The following ARHGAP26 variants were observed in gnomAD, a reference collection of about 807,000 sequenced individuals.
The protein encoded by ARHGAP26 is Rho GTPase activating protein 26, also known as rho GTPase-activating protein 26.
Under a neutral mutation model 104.8 loss-of-function variants are expected in ARHGAP26, and 38 were observed. The observed-to-expected ratio is 0.36, with a 90% confidence interval of 0.28 to 0.48. ARHGAP26 has a LOEUF of 0.48. ARHGAP26 is among the 20% of genes least tolerant of loss of function. The pLI, the probability that ARHGAP26 is intolerant of heterozygous loss-of-function variation, is 0.99. For missense variants in ARHGAP26, 704 were observed against 947.9 expected (o/e 0.74, Z 3.38); for synonymous variants, 341 against 340.0 (o/e 1.00, Z -0.03).
intron 12 of ARHGAP26, among the ~76,000 whole-genome samples, chr5:143,015,142 T>A (rs1276357021): frequency 6.6e-6 from 1 of 151,800 alleles, no homozygotes; most frequent in East Asian, 1.9e-4. Context: ...AAAAAAATGT[T>A]CCCCTCCACC....
At chr5:142,786,330 T>A (rs1254314223) in intron 1 of ARHGAP26, among the ~76,000 whole-genome samples, 1 of 151,922 alleles carries the variant, frequency 6.6e-6, no homozygotes, top group Admixed American at 6.6e-5. Flanking sequence ...GGGGTCTTCC[T>A]TTATCACCCA....
At chr5:142,999,773 A>T (rs1281540150) in intron 11 of ARHGAP26, among the ~76,000 whole-genome samples, 5 of 152,206 alleles carry the variant, frequency 3.3e-5, no homozygotes, top group Non-Finnish European at 7.3e-5. Context: ...ATGAAAAAAA[A>T]TTGACTTGAT....
intron 12 of ARHGAP26, among the ~76,000 whole-genome samples, chr5:143,028,617 A>C (rs551603060): frequency 6.6e-6 from 1 of 152,198 alleles, no homozygotes; most frequent in African/African-American, 2.4e-5. Flanking sequence ...CCCAGTTGCT[A>C]TACATTTCAT....
At chr5:142,866,499 T>C (rs1754304934) in intron 1 of ARHGAP26, among the ~76,000 whole-genome samples, 1 of 152,230 alleles carries the variant, frequency 6.6e-6, no homozygotes, top group Admixed American at 6.5e-5. Context: ...TAAGTTAATG[T>C]ATATAATATA....
chr5:143,011,303 CTTTTT>C lies in ARHGAP26; in HGVS notation c.1108-2760_1108-2756del, dbSNP rs58841045. On this transcript the variant is annotated intron_variant, in intron 11 of 22. Coordinates refer to ENST00000645722, the MANE Select transcript of ARHGAP26 (RefSeq NM_001135608.3). ...GCCTAAAGTCCACAATAAACCCCCG[CTTTTT>C]TTTTTTTTTTTTTTTTACTTTCTCC... 3.6e-5 allele frequency among the ~76,000 whole-genome samples: 4 copies of C among 110,970 alleles called. No individual in the cohort carries two copies. The East Asian group carries it at 8.0e-4, about 22-fold the overall frequency. The allele number at this position is 110,970 out of a possible 152,430, so 72.8% of individuals were successfully genotyped here. A position where few individuals can be genotyped will look rare whatever the true frequency, so the allele number is the denominator to read the frequency against.
chr5:142,779,424 GGTGTGTGT>G (rs10550663), intron 1 of ARHGAP26, among the ~76,000 whole-genome samples: 1 of 149,668 alleles, frequency 6.7e-6, no homozygotes, highest in African/African-American at 2.5e-5. Context: ...GGGTTAGGGT[GGTGTGTGT>G]GTGTGTGTGT....
At chr5:143,192,575 A>G (rs545278812) in intron 20 of ARHGAP26, 3 of 152,238 alleles carry the variant, frequency 2.0e-5, no homozygotes, top group Non-Finnish European at 4.4e-5. Context: ...TAAACTATTT[A>G]CTTTATGGCC....
At chr5:142,841,685 C>T (rs1339294934) in intron 1 of ARHGAP26, among the ~76,000 whole-genome samples, 6 of 152,342 alleles carry the variant, frequency 3.9e-5, no homozygotes, top group Non-Finnish European at 7.3e-5. Flanking sequence ...CTGACTTCAT[C>T]TTGGCTCCTG....
At chr5:143,015,260 A>G (rs1399843235) in intron 12 of ARHGAP26, among the ~76,000 whole-genome samples, 3 of 152,214 alleles carry the variant, frequency 2.0e-5, no homozygotes, top group African/African-American at 7.2e-5. Flanking sequence ...TTGTTTTAGA[A>G]CACTTGAAGT....
intron 1 of ARHGAP26, among the ~76,000 whole-genome samples, chr5:142,781,367 T>A (rs1234334373): frequency 5.3e-5 from 8 of 152,212 alleles, no homozygotes; most frequent in African/African-American, 1.9e-4. Flanking sequence ...TGGTTAACTT[T>A]TTTTTTCTAA....
intron 17 of ARHGAP26, among the ~76,000 whole-genome samples, chr5:143,069,920 T>G (rs1788013344): frequency 6.6e-6 from 1 of 152,202 alleles, no homozygotes; most frequent in Non-Finnish European, 1.5e-5. Context: ...AGAAGCCTGA[T>G]TCTGTTTTTT....
At chr5:143,022,824 G>A (rs1265100791) in intron 12 of ARHGAP26, among the ~76,000 whole-genome samples, 2 of 152,132 alleles carry the variant, frequency 1.3e-5, no homozygotes, top group African/African-American at 4.8e-5. Context: ...TCATTGCCAG[G>A]GTCATTTTTT....
chr5:142,939,574 T>C (rs1238639939), intron 11 of ARHGAP26, among the ~76,000 whole-genome samples: 2 of 152,220 alleles, frequency 1.3e-5, no homozygotes, highest in Non-Finnish European at 2.9e-5. Flanking sequence ...GCATCTAATA[T>C]CTGAAAGAGT....
At chr5:142,976,039 A>G (rs904783354) in intron 11 of ARHGAP26, among the ~76,000 whole-genome samples, 3 of 152,222 alleles carry the variant, frequency 2.0e-5, no homozygotes, top group Admixed American at 2.0e-4. Context: ...ATATTATGCC[A>G]TATGCCCGGC....
Position 142,838,774 on chromosome 5 carries a change from A to G in ARHGAP26, c.155-34626A>G, listed in dbSNP as rs375909507. Among the ~76,000 whole-genome samples, 27 of 152,204 alleles carry G rather than the reference A, an allele frequency of 1.8e-4. 2 individuals carry two copies. Among genetic ancestry groups the G allele is most frequent in the Admixed American group, 1.4e-3 (21 of 15,284 alleles). On this transcript the variant is annotated intron_variant, in intron 1 of 22. Transcript: ENST00000645722. The stretch of plus-strand genomic sequence containing the variant: ...TGTGGGATCAACTTTGGAAAAAGAG[A>G]CAGCTTTGGAATTATCTAGTCTGAA...
chr5:142,773,274 A>G (rs1755623909), intron 1 of ARHGAP26, among the ~76,000 whole-genome samples: 1 of 152,264 alleles, frequency 6.6e-6, no homozygotes, highest in Middle Eastern at 3.2e-3. Flanking sequence ...ACATAATTAT[A>G]TAAACACTGG....
chr5:142,815,575 T>TA (rs1764948072), intron 1 of ARHGAP26, among the ~76,000 whole-genome samples: 1 of 152,202 alleles, frequency 6.6e-6, no homozygotes, highest in Non-Finnish European at 1.5e-5. Context: ...ACTGCACACA[T>TA]TTATTGAGAT....
chr5:143,216,503 C>T (rs1016506025), intron 22 of ARHGAP26: 4 of 326,366 alleles, frequency 1.2e-5, no homozygotes, highest in African/African-American at 2.2e-5. Context: ...CAAGCAAGGT[C>T]GGCAAACTAT....
At chr5:142,933,052 A>G (rs1188870577) in intron 11 of ARHGAP26, among the ~76,000 whole-genome samples, 1 of 152,250 alleles carries the variant, frequency 6.6e-6, no homozygotes, top group Non-Finnish European at 1.5e-5. Context: ...ACTATAATTA[A>G]GCATTGTTTA....
Sources: gnomAD v4.1 joint callset for allele counts (sites outside exome capture counted in the v4.1 genomes callset) on GRCh38, gnomAD v4.1.1 for gene constraint, MANE v1.5 for transcripts, NCBI Gene and HGNC (gene_info 2026-07-23, HGNC 2026-07-21) for gene names.